The following PLCB1 variants were observed in gnomAD, a reference collection of about 807,000 sequenced individuals.
PLCB1 encodes 1-phosphatidylinositol 4,5-bisphosphate phosphodiesterase beta-1.
Under a neutral mutation model 161.8 loss-of-function variants are expected in PLCB1, and 46 were observed. The ratio of observed to expected loss-of-function variants is 0.28; its 90% confidence interval spans 0.22 to 0.36. PLCB1 has a LOEUF of 0.36. Ranked by LOEUF, PLCB1 falls within the 10% of genes least tolerant of loss-of-function variation. The pLI is 1.00. For missense variants in PLCB1, 1,016 were observed against 1,472.5 expected (o/e 0.69, Z 5.07); for synonymous variants, 517 against 503.7 (o/e 1.03, Z -0.35).
intron 2 of PLCB1, among the ~76,000 whole-genome samples, chr20:8,323,713 C>T (rs1042648255): frequency 5.9e-5 from 9 of 152,088 alleles, no homozygotes; most frequent in African/African-American, 2.2e-4. Context: ...GAAGGGGCAT[C>T]GATTTTACCT....
At chr20:8,820,822 TAAC>T (rs1352753781) in intron 31 of PLCB1, among the ~76,000 whole-genome samples, 2 of 152,076 alleles carry the variant, frequency 1.3e-5, no homozygotes, top group Non-Finnish European at 2.9e-5. Context: ...TAGCTACACA[TAAC>T]AACTTGGATA....
chr20:8,273,279 CTT>C (rs903652397), intron 2 of PLCB1, among the ~76,000 whole-genome samples: 20 of 152,160 alleles, frequency 1.3e-4, no homozygotes, highest in African/African-American at 4.8e-4. Context: ...CATTTTATGA[CTT>C]GGCTTTTCAT....
chr20:8,831,912 CTCTTTCTT>C (rs1188505689), intron 31 of PLCB1, among the ~76,000 whole-genome samples: 4,253 of 58,296 alleles, frequency 0.073, 320 homozygotes, highest in African/African-American at 0.14. Context: ...CTCTTTCTTT[CTCTTTCTT>C]TCTTTCTTTC....
chr20:8,502,545 A>G (rs867180662), intron 3 of PLCB1, among the ~76,000 whole-genome samples: 2 of 152,158 alleles, frequency 1.3e-5, no homozygotes, highest in Non-Finnish European at 2.9e-5. Flanking sequence ...ACTTAAGTTC[A>G]TCTATCTATC....
chr20:8,511,432 A>G (rs1600116863), intron 3 of PLCB1, among the ~76,000 whole-genome samples: 1 of 152,192 alleles, frequency 6.6e-6, no homozygotes, highest in Non-Finnish European at 1.5e-5. Context: ...ACTGATGGAC[A>G]CTTAGGTTGG....
intron 3 of PLCB1, among the ~76,000 whole-genome samples, chr20:8,553,723 T>C (rs1198089171): frequency 6.6e-6 from 1 of 152,018 alleles, no homozygotes; most frequent in African/African-American, 2.4e-5. Flanking sequence ...CTGTTTAGCT[T>C]GTCACGCTGG....
chr20:8,444,140 T>C (rs1259752823), intron 3 of PLCB1, among the ~76,000 whole-genome samples: 2 of 152,096 alleles, frequency 1.3e-5, no homozygotes, highest in African/African-American at 4.8e-5. Flanking sequence ...GCTGCACCCA[T>C]TAACTCGTCA....
At chr20:8,188,670 C>T (rs1199344134) in intron 2 of PLCB1, among the ~76,000 whole-genome samples, 2 of 152,066 alleles carry the variant, frequency 1.3e-5, no homozygotes, top group African/African-American at 4.8e-5. Flanking sequence ...TGTCTATTTT[C>T]GTCCATGTTT....
chr20:8,712,386 C>T (rs992303786), intron 12 of PLCB1, among the ~76,000 whole-genome samples: 8 of 152,138 alleles, frequency 5.3e-5, no homozygotes, highest in Admixed American at 4.6e-4. Context: ...GTCACCTATC[C>T]ATAGACAATA....
intron 12 of PLCB1, chr20:8,716,034 T>G: frequency 2.0e-6 from 1 of 510,542 alleles, no homozygotes; most frequent in Non-Finnish European, 3.5e-6. Context: ...CCTATGTCTA[T>G]GCAGGTCTGC....
intron 31 of PLCB1, among the ~76,000 whole-genome samples, chr20:8,828,347 G>T (rs73605724): frequency 1.3e-5 from 2 of 151,856 alleles, no homozygotes; most frequent in Admixed American, 6.5e-5. Context: ...TCAAAAGTTT[G>T]ACAATATGAA....
intron 3 of PLCB1, among the ~76,000 whole-genome samples, chr20:8,582,272 C>A: frequency 6.6e-6 from 1 of 152,088 alleles, no homozygotes; most frequent in East Asian, 1.9e-4. Context: ...TCACAGGCAC[C>A]CCTTTTTCTA....
chr20:8,625,186 T>C (rs1184342080), intron 3 of PLCB1: 6 of 152,188 alleles, frequency 3.9e-5, no homozygotes, highest in Non-Finnish European at 8.8e-5. Flanking sequence ...TACACATCTG[T>C]TTTCATCAAA....
At chr20:8,249,575 A>G (rs1448344990) in intron 2 of PLCB1, 1 of 151,960 alleles carries the variant, frequency 6.6e-6, no homozygotes, top group African/African-American at 2.4e-5. Context: ...GACTATTGGA[A>G]TGATGTAGCA....
Position 8,276,986 on chromosome 20 carries a change from C to CTTCTTCTTCTTCTTA in PLCB1, c.178-94394_178-94393insCTTCTTCTTCTTATT, listed in dbSNP as rs869194352. Among the ~76,000 whole-genome samples, 99 of 93,330 alleles carry CTTCTTCTTCTTCTTA rather than the reference C, an allele frequency of 1.1e-3. 2 individuals carry two copies. Among genetic ancestry groups the CTTCTTCTTCTTCTTA allele is most frequent in the East Asian group, 5.6e-3 (16 of 2,880 alleles). 61.2% of individuals were successfully genotyped at this position (93,330 alleles called of 152,430 possible). ...TCTTCTTCTTCTTCTTCTTCTTCTTCTTATTATTATTATTATTATTATTAT... is the reference window on the plus strand; with the variant it reads ...TCTTCTTCTTCTTCTTCTTCTTCTTCTTCTTCTTCTTCTTATTATTATTATTATTATTATTATTAT... On this transcript the variant is annotated intron_variant, in intron 2 of 31. Coordinates refer to ENST00000338037, the MANE Select transcript of PLCB1 (RefSeq NM_015192.4).
At chr20:8,561,455 G>T (rs934307293) in intron 3 of PLCB1, among the ~76,000 whole-genome samples, 2 of 151,888 alleles carry the variant, frequency 1.3e-5, no homozygotes, top group Non-Finnish European at 2.9e-5. Flanking sequence ...CCAAGTGGGT[G>T]CCAAGACCCA....
chr20:8,363,042 A>G (rs1452762240), intron 2 of PLCB1, among the ~76,000 whole-genome samples: 1 of 152,098 alleles, frequency 6.6e-6, no homozygotes, highest in African/African-American at 2.4e-5. Flanking sequence ...CTGTTTGGGC[A>G]CATTCAATAA....
At chr20:8,747,840 A>T (rs1190383559) in intron 23 of PLCB1, among the ~76,000 whole-genome samples, 1 of 152,212 alleles carries the variant, frequency 6.6e-6, no homozygotes, top group Non-Finnish European at 1.5e-5. Flanking sequence ...CAATTTGATT[A>T]TTTTAATAAT....
At chr20:8,266,074 T>A (rs1981941008) in intron 2 of PLCB1, among the ~76,000 whole-genome samples, 1 of 152,234 alleles carries the variant, frequency 6.6e-6, no homozygotes, top group Admixed American at 6.5e-5. Flanking sequence ...TCAGTCGATG[T>A]CAGTGTTGAG....
Sources: allele counts gnomAD v4.1 joint callset (sites outside exome capture counted in the v4.1 genomes callset), GRCh38; gene constraint gnomAD v4.1.1; transcripts MANE v1.5; gene names NCBI Gene and HGNC (gene_info 2026-07-23, HGNC 2026-07-21).